LRRIQ1: variants seen among roughly 807,000 people sequenced by gnomAD.
The protein encoded by LRRIQ1 is leucine-rich repeat- and IQ domain-containing protein 1.
LRRIQ1 carries 210 observed loss-of-function variants against 211.9 expected under a neutral mutation model. That is an observed-to-expected ratio of 0.99 (90% CI 0.89 to 1.11). The LOEUF is 1.11. LRRIQ1 is among the 50% of genes most tolerant of loss of function. The pLI, the probability that LRRIQ1 is intolerant of heterozygous loss-of-function variation, is 0.00. For missense variants in LRRIQ1, 2,136 were observed against 1,939.5 expected, an observed-to-expected ratio of 1.10 and a Z score of -1.90; for synonymous variants, 699 against 650.1, an observed-to-expected ratio of 1.08 and a Z score of -1.14.
chr12:85,153,282 A>G (rs953032257), intron 21 of LRRIQ1, 137 bp downstream of exon 21: 4 of 918,930 alleles, frequency 4.4e-6, no homozygotes, highest in Non-Finnish European at 6.5e-6. Context: ...TAAAAACATC[A>G]TGGTCATGAA....
intron 14 of LRRIQ1, among the ~76,000 whole-genome samples, chr12:85,104,720 G>C (rs944760994): frequency 1.3e-5 from 2 of 151,894 alleles, no homozygotes; most frequent in Non-Finnish European, 2.9e-5. Context: ...ATTGTTTGTG[G>C]TTGGGGGTTT....
chr12:85,246,252 T>G (rs1167421211), downstream of LRRIQ1, among the ~76,000 whole-genome samples: 1 of 151,214 alleles, frequency 6.6e-6, no homozygotes, highest in African/African-American at 2.4e-5. Flanking sequence ...ATTTTAAGTT[T>G]AAATTATTCA....
chr12:85,062,015 T>A (rs1310707647), intron 8 of LRRIQ1, among the ~76,000 whole-genome samples: 1 of 151,846 alleles, frequency 6.6e-6, no homozygotes, highest in Non-Finnish European at 1.5e-5. Context: ...TACATAAATA[T>A]GTAAATTTAA....
In LRRIQ1 at chr12:85,210,139, T is replaced by G. The variant is rs532252848; in HGVS notation, c.4823-19378T>G. On this transcript the variant is annotated intron_variant, in intron 24 of 26. Coordinates refer to ENST00000393217, the MANE Select transcript of LRRIQ1 (RefSeq NM_001079910.2). ...AGGACCTTATACATTTCTACTAAAT[T>G]TATTCAAATATTAAATTATGAAAAT... Among the ~76,000 whole-genome samples the G allele has an allele frequency of 7.2e-5, 11 of 152,324 alleles. No individual in the cohort carries two copies. In the East Asian group the frequency reaches 1.9e-3, roughly 27 times the overall value.
At chr12:85,250,585 C>T (rs2137297470) in intron 1 of LRRIQ1, among the ~76,000 whole-genome samples, 1 of 149,486 alleles carries the variant, frequency 6.7e-6, no homozygotes, top group Middle Eastern at 3.4e-3. Flanking sequence ...ACAAAAAATA[C>T]AAAAATTAGC....
intron 1 of LRRIQ1, among the ~76,000 whole-genome samples, chr12:85,259,311 C>G (rs890297980): frequency 1.8e-4 from 28 of 152,134 alleles, no homozygotes; most frequent in African/African-American, 6.5e-4. Flanking sequence ...GCCAGAGTCT[C>G]TTGCTATTTT....
chr12:85,214,980 C>A, intron 24 of LRRIQ1, among the ~76,000 whole-genome samples: 1 of 152,028 alleles, frequency 6.6e-6, no homozygotes, highest in East Asian at 1.9e-4. Context: ...TCTGAGGAAG[C>A]ATTAAAATAG....
chr12:85,268,537 A>C, downstream of LRRIQ1, among the ~76,000 whole-genome samples: 1 of 152,094 alleles, frequency 6.6e-6, no homozygotes, highest in African/African-American at 2.4e-5. Flanking sequence ...ACCTTTTATT[A>C]AATAGAATTA....
chr12:85,232,558 TATAAC>T (rs1339885790), intron 25 of LRRIQ1, 133 bp from the exon 26 acceptor site: 2 of 682,892 alleles, frequency 2.9e-6, no homozygotes, highest in Non-Finnish European at 5.0e-6. Flanking sequence ...TATTTTTACT[TATAAC>T]CTAATTTAAG....
chr12:85,069,599 C>T (rs926237754), intron 10 of LRRIQ1, among the ~76,000 whole-genome samples: 62 of 151,686 alleles, frequency 4.1e-4, no homozygotes, highest in Non-Finnish European at 8.1e-4. Context: ...CTCTCCAGCA[C>T]TTGTTGTTTC....
chr12:85,194,659 G>T (rs554087573), intron 24 of LRRIQ1, among the ~76,000 whole-genome samples: 1 of 152,152 alleles, frequency 6.6e-6, no homozygotes, highest in East Asian at 1.9e-4. Flanking sequence ...GAATCTCTGG[G>T]ATGATTCAAA....
At chr12:85,166,224 A>G (rs1891151052) in intron 24 of LRRIQ1, among the ~76,000 whole-genome samples, 1 of 152,202 alleles carries the variant, frequency 6.6e-6, no homozygotes, top group Non-Finnish European at 1.5e-5. Context: ...TAGCCAAGCC[A>G]GGAAAAAAAT....
Position 85,108,102 on chromosome 12 carries a change from G to A in LRRIQ1, c.3377+1487G>A, listed in dbSNP as rs140632346. Among the ~76,000 whole-genome samples the A allele has an allele frequency of 2.0e-5, 3 of 151,956 alleles. No individual in the cohort carries two copies. In the East Asian group the frequency reaches 5.8e-4, roughly 29 times the overall value. ...CCTGGTCAGTATTGGTTGTATTCTG[G>A]ACATTTTGAATTTTATATTCCCAAT... On this transcript the variant is annotated intron_variant, in intron 15 of 26. Transcript: ENST00000393217.
intron 24 of LRRIQ1, among the ~76,000 whole-genome samples, chr12:85,177,116 GA>G (rs1891746026): frequency 6.6e-6 from 1 of 152,104 alleles, no homozygotes; most frequent in South Asian, 2.1e-4. Context: ...TGGGTAAATT[GA>G]ATAAAAATGT....
In LRRIQ1 at chr12:85,232,737, G is replaced by A. The variant is rs1179478037; in HGVS notation, c.4997G>A (p.Gly1666Asp). 1 of 1,612,736 alleles carries A rather than the reference G, an allele frequency of 6.2e-7. No homozygotes were observed. The highest frequency in any genetic ancestry group is 1.1e-5 in the South Asian group (1 of 90,994). Residue 1666 changes from glycine (G) to aspartate (D), a missense_variant, in exon 26 of 27, where the codon GGT becomes GAT. By Grantham distance (94) the Gly-to-Asp change is moderately conservative. Coordinates refer to ENST00000393217, the MANE Select transcript of LRRIQ1 (RefSeq NM_001079910.2). ...LPELDPDVLN[G>D]GRVQLVARLV... is the part of the protein sequence containing the mutation. ...GAGTTAGATCCAGATGTACTTAATG[G>A]TGGAAGAGTTCAGCTTGTGGTAAGA...
At chr12:85,225,460 C>T (rs1273614026) in intron 24 of LRRIQ1, among the ~76,000 whole-genome samples, 1 of 152,020 alleles carries the variant, frequency 6.6e-6, no homozygotes, top group Non-Finnish European at 1.5e-5. Flanking sequence ...ATTGTCTTTT[C>T]TTTGACTTTT....
In LRRIQ1 at chr12:85,115,157, A is replaced by C. The variant is rs148348637; in HGVS notation, c.3378-6540A>C. Among the ~76,000 whole-genome samples the C allele has an allele frequency of 2.7e-4, 41 of 152,300 alleles. 1 individual carries two copies. The East Asian group carries it at 7.7e-3, about 29-fold the overall frequency. On this transcript the variant is annotated intron_variant, in intron 15 of 26. Transcript: ENST00000393217. ...TTTTCACCAAATGAAATATTGGTTC[A>C]GCCCTTGATTAGGAGGCGCCCAGCT...
At chr12:85,114,339 C>T (rs1887414734) in intron 15 of LRRIQ1, among the ~76,000 whole-genome samples, 1 of 151,996 alleles carries the variant, frequency 6.6e-6, no homozygotes, top group Non-Finnish European at 1.5e-5. Flanking sequence ...CCTTTTAGGG[C>T]CATGAATTGT....
intron 24 of LRRIQ1, among the ~76,000 whole-genome samples, chr12:85,190,706 C>T (rs1442498516): frequency 6.6e-6 from 1 of 151,746 alleles, no homozygotes; most frequent in Non-Finnish European, 1.5e-5. Context: ...CTAAAGCATT[C>T]TTATCTTTTA....
Sources: allele counts gnomAD v4.1 joint callset (sites outside exome capture counted in the v4.1 genomes callset), GRCh38; gene constraint gnomAD v4.1.1; transcripts MANE v1.5; gene names NCBI Gene and HGNC (gene_info 2026-07-23, HGNC 2026-07-21).